Variants in SMYD3 observed in about 807,000 individuals in gnomAD.
SMYD3 encodes the protein SET and MYND domain containing 3.
SMYD3 carries 36 observed loss-of-function variants against 57.7 expected under a neutral mutation model. The observed-to-expected ratio is 0.62, with a 90% CI of 0.48 to 0.82. The LOEUF (loss-of-function observed/expected upper bound fraction) is 0.82. Among genes scored for constraint, SMYD3 ranks in the 40% least tolerant of loss-of-function variants. The pLI, the probability that SMYD3 is intolerant of heterozygous loss-of-function variation, is 0.00. For synonymous variants in SMYD3, 211 were observed against 195.0 expected (o/e 1.08, Z -0.68); for missense variants, 515 against 538.8 (o/e 0.96, Z 0.44).
intron 10 of SMYD3, among the ~76,000 whole-genome samples, chr1:245,822,846 A>G (rs537767493): frequency 2.0e-5 from 3 of 152,320 alleles, no homozygotes; most frequent in South Asian, 2.1e-4. Flanking sequence ...TTTTAAAAAA[A>G]TCTTCCTAGG....
At chr1:245,911,994 T>C (rs1324638453) in intron 8 of SMYD3, among the ~76,000 whole-genome samples, 1 of 152,034 alleles carries the variant, frequency 6.6e-6, no homozygotes, top group African/African-American at 2.4e-5. Context: ...ACCACACAAA[T>C]ATGTACAACT....
At chr1:246,026,591 C>G (rs992983955) in intron 5 of SMYD3, among the ~76,000 whole-genome samples, 1 of 152,206 alleles carries the variant, frequency 6.6e-6, no homozygotes, top group South Asian at 2.1e-4. Flanking sequence ...TGATGCTTAT[C>G]AGTGTTCTTT....
rs1010193920 is a variant in SMYD3, at chr1:245,925,273, C to T, written c.702+2658G>A. ...CAGGTACTATTTTGCTACCTGCATA[C>T]GATGTGTAATGATCAAGTGATGGTA... On this transcript the variant is annotated intron_variant, in intron 7 of 11. Transcript: ENST00000490107. 4.6e-5 allele frequency among the ~76,000 whole-genome samples: 7 copies of T among 152,212 alleles called. No homozygotes were observed. In the South Asian group the frequency reaches 8.3e-4, roughly 18 times the overall value.
intron 5 of SMYD3, among the ~76,000 whole-genome samples, chr1:246,300,092 A>G (rs1005316702): frequency 2.6e-5 from 4 of 152,130 alleles, no homozygotes; most frequent in African/African-American, 9.7e-5. Context: ...AAAAAATTAT[A>G]CGTGGTATGC....
In SMYD3 at chr1:246,247,487, T is replaced by TATATATATATA. The variant is rs1558347068; in HGVS notation, c.531+79713_531+79714insTATATATATAT. 1.2e-4 allele frequency among the ~76,000 whole-genome samples: 17 copies of TATATATATATA among 141,344 alleles called. 1 individual carries two copies. The highest frequency in any genetic ancestry group is 6.8e-4 in the South Asian group (3 of 4,416). The allele number at this position is 141,344 out of a possible 152,430, so 92.7% of individuals were successfully genotyped here. A position where few individuals can be genotyped will look rare whatever the true frequency, so the allele number is the denominator to read the frequency against. ...TCTCTATATATATATATATATATAT[T>TATATATATATA]TTTTAACATGGGACTCATATATATA... On this transcript the variant is annotated intron_variant, in intron 5 of 11. Coordinates refer to ENST00000490107, the MANE Select transcript of SMYD3 (RefSeq NM_001167740.2).
At chr1:246,327,991 C>T (rs766363952) in intron 4 of SMYD3, among the ~76,000 whole-genome samples, 1 of 152,020 alleles carries the variant, frequency 6.6e-6, no homozygotes, top group Non-Finnish European at 1.5e-5. Context: ...GTCAGTAGTT[C>T]GAGAGCAGCC....
At chr1:246,210,555 C>T (rs1031621449) in intron 5 of SMYD3, among the ~76,000 whole-genome samples, 1 of 151,856 alleles carries the variant, frequency 6.6e-6, no homozygotes, top group African/African-American at 2.4e-5. Context: ...ACTAAAAATG[C>T]AAAAATTAGC....
chr1:246,123,971 T>C (rs76143167), intron 5 of SMYD3, among the ~76,000 whole-genome samples: 4,958 of 152,282 alleles, frequency 0.033, 280 homozygotes, highest in African/African-American at 0.11. Context: ...TCACTATATC[T>C]ATATCTACGA....
At chr1:246,033,693 A>G (rs577297293) in intron 5 of SMYD3, among the ~76,000 whole-genome samples, 1 of 152,320 alleles carries the variant, frequency 6.6e-6, no homozygotes, top group East Asian at 1.9e-4. Context: ...AGGCTGAGGC[A>G]CGAGAATCGC....
intron 5 of SMYD3, among the ~76,000 whole-genome samples, chr1:246,107,687 A>T (rs2061155827): frequency 6.6e-6 from 1 of 152,264 alleles, no homozygotes; most frequent in Non-Finnish European, 1.5e-5. Context: ...AAGATTGCTA[A>T]TGCTTTGGCA....
At chr1:246,135,291 T>C (rs1465874248) in intron 5 of SMYD3, among the ~76,000 whole-genome samples, 1 of 152,158 alleles carries the variant, frequency 6.6e-6, no homozygotes, top group Non-Finnish European at 1.5e-5. Flanking sequence ...ACACAGTACC[T>C]GCGAACACAA....
At chr1:245,968,209 T>A (rs1021533523) in intron 5 of SMYD3, among the ~76,000 whole-genome samples, 4 of 109,972 alleles carry the variant, frequency 3.6e-5, no homozygotes, top group African/African-American at 1.4e-4. Flanking sequence ...AATCCCCCCC[T>A]CAAAAATGGC....
At chr1:246,148,636 G>C (rs1424009673) in intron 5 of SMYD3, among the ~76,000 whole-genome samples, 11 of 152,156 alleles carry the variant, frequency 7.2e-5, no homozygotes, top group Admixed American at 7.2e-4. Flanking sequence ...AAAATGGAGG[G>C]AGGAAGAAAA....
chr1:246,140,303 C>A (rs939688877), intron 5 of SMYD3, among the ~76,000 whole-genome samples: 1 of 152,170 alleles, frequency 6.6e-6, no homozygotes, highest in Non-Finnish European at 1.5e-5. Flanking sequence ...TTTCTCTAAG[C>A]CTATTTCCTC....
At chr1:245,788,498 G>A (rs2047140431) in intron 10 of SMYD3, among the ~76,000 whole-genome samples, 1 of 152,176 alleles carries the variant, frequency 6.6e-6, no homozygotes, top group Non-Finnish European at 1.5e-5. Context: ...TTATTGAAAT[G>A]AATCACAGAC....
At chr1:245,954,591 G>A (rs756051405) in intron 5 of SMYD3, among the ~76,000 whole-genome samples, 7 of 152,160 alleles carry the variant, frequency 4.6e-5, no homozygotes, top group South Asian at 4.1e-4. Context: ...TGGAAGGCTC[G>A]CTTGAGCCCC....
At chr1:245,816,844 C>T (rs1445501643) in intron 10 of SMYD3, among the ~76,000 whole-genome samples, 8 of 152,210 alleles carry the variant, frequency 5.3e-5, no homozygotes, top group Middle Eastern at 3.4e-3. Context: ...TCGGACCGGC[C>T]TAAAAAACGG....
chr1:246,359,744 T>C (rs1308119881), intron 1 of SMYD3, among the ~76,000 whole-genome samples: 1 of 152,144 alleles, frequency 6.6e-6, no homozygotes, highest in African/African-American at 2.4e-5. Context: ...GAAAAAGCAT[T>C]TGACAAAATT....
chr1:246,426,121 T>G (rs1363274738), intron 1 of SMYD3: 1 of 152,174 alleles, frequency 6.6e-6, no homozygotes, highest in Non-Finnish European at 1.5e-5. Context: ...GGACCAGCCT[T>G]CCTTATACCT....
Sources: gnomAD v4.1 joint callset for allele counts (sites outside exome capture counted in the v4.1 genomes callset) on GRCh38, gnomAD v4.1.1 for gene constraint, MANE v1.5 for transcripts, NCBI Gene and HGNC (gene_info 2026-07-23, HGNC 2026-07-21) for gene names.